UBP1: variants seen among roughly 807,000 people sequenced by gnomAD.
UBP1 encodes upstream-binding protein 1.
A neutral mutation model predicts 76.1 loss-of-function variants in UBP1; 22 were observed. That is an observed-to-expected ratio of 0.29 (90% CI 0.21 to 0.41). UBP1 has a LOEUF of 0.41. Ranked by LOEUF, UBP1 falls within the 10% of genes least tolerant of loss-of-function variation. The pLI is 1.00. For missense variants in UBP1, 436 were observed against 668.1 expected, an observed-to-expected ratio of 0.65 and a Z score of 3.83; for synonymous variants, 224 against 237.1, an observed-to-expected ratio of 0.94 and a Z score of 0.51.
At chr3:33,412,491 G>A (rs1423283522) in intron 4 of UBP1, among the ~76,000 whole-genome samples, 1 of 149,408 alleles carries the variant, frequency 6.7e-6, no homozygotes, top group African/African-American at 2.5e-5. Context: ...GCTAAGGCAG[G>A]AAAATCACTT....
At chr3:33,397,011 C>T in intron 12 of UBP1, 34 bp downstream of exon 12, 1 of 1,570,712 alleles carries the variant, frequency 6.4e-7, no homozygotes, top group Non-Finnish European at 8.7e-7. Context: ...AAGGTACATT[C>T]TTATTTCAAG....
At chr3:33,426,136 GAAAT>G (rs1260233925) in intron 1 of UBP1, among the ~76,000 whole-genome samples, 2 of 149,966 alleles carry the variant, frequency 1.3e-5, no homozygotes, top group Non-Finnish European at 3.0e-5. Flanking sequence ...TGAAAGGCAA[GAAAT>G]AATACTGCTG....
intron 1 of UBP1, among the ~76,000 whole-genome samples, chr3:33,436,840 C>T (rs944182392): frequency 2.0e-5 from 3 of 152,180 alleles, no homozygotes; most frequent in African/African-American, 7.2e-5. Flanking sequence ...AAAAATCAGC[C>T]TTCATCTGTT....
At chr3:33,397,888 A>C (rs951353282) in intron 11 of UBP1, 3 of 152,156 alleles carry the variant, frequency 2.0e-5, no homozygotes, top group Admixed American at 6.6e-5. Flanking sequence ...AGAAAAAAAA[A>C]CTTACATATA....
intron 1 of UBP1, among the ~76,000 whole-genome samples, chr3:33,436,988 T>A (rs1175062309): frequency 6.6e-6 from 1 of 152,134 alleles, no homozygotes; most frequent in African/African-American, 2.4e-5. Flanking sequence ...CCAAGATTTT[T>A]AAAAACATTT....
chr3:33,404,784 T>C (rs2044372647), intron 8 of UBP1, among the ~76,000 whole-genome samples: 1 of 152,206 alleles, frequency 6.6e-6, no homozygotes, highest in South Asian at 2.1e-4. Context: ...AATAATCTAG[T>C]AGATCACATA....
At chr3:33,426,175 C>T (rs1368170044) in intron 1 of UBP1, among the ~76,000 whole-genome samples, 1 of 151,426 alleles carries the variant, frequency 6.6e-6, no homozygotes, top group Non-Finnish European at 1.5e-5. Context: ...CACTTGACAC[C>T]ATAGAATTAC....
rs1364012406 is a variant in UBP1 at position 33,389,270 on chromosome 3, A to G, written c.*1061T>C. ...ATTGTACTAAAGCTCAATATTTGAGAGGCTTAAGGGATTTGTATGGTACAT... is the reference window on the plus strand; with the variant it reads ...ATTGTACTAAAGCTCAATATTTGAGGGGCTTAAGGGATTTGTATGGTACAT... On this transcript the variant is annotated 3_prime_UTR_variant, in exon 16 of 16. Transcript: ENST00000283629. 2.0e-5 allele frequency: 3 copies of G among 152,638 alleles called. No homozygotes were observed. The highest frequency in any genetic ancestry group is 7.2e-5 in the African/African-American group (3 of 41,448). 9.5% of individuals were successfully genotyped at this position (152,638 alleles called of 1,614,324 possible). A position where few individuals can be genotyped will look rare whatever the true frequency, so the allele number is the denominator to read the frequency against.
At chr3:33,402,995 A>G in intron 8 of UBP1, 91 bp from the exon 9 acceptor site, 1 of 1,126,970 alleles carries the variant, frequency 8.9e-7, no homozygotes, top group South Asian at 1.4e-5. Flanking sequence ...CAAATGCAAG[A>G]TTATAAAATG....
chr3:33,408,555 C>A, intron 8 of UBP1, 135 bp downstream of exon 8: 1 of 630,272 alleles, frequency 1.6e-6, no homozygotes, highest in South Asian at 2.5e-5. Context: ...AGCAGGAAGT[C>A]TAAACAAAAG....
chr3:33,392,050 A>C (rs1291124174), intron 15 of UBP1: 1 of 152,934 alleles, frequency 6.5e-6, no homozygotes, highest in African/African-American at 2.4e-5. Context: ...TCCAATGGCC[A>C]GCTCCCGCTT....
chr3:33,440,800 G>C (rs1456767008), upstream of UBP1: 1 of 152,248 alleles, frequency 6.6e-6, no homozygotes, highest in South Asian at 2.1e-4. Context: ...AGAGTTCATT[G>C]GACTGCATGG....
intron 1 of UBP1, among the ~76,000 whole-genome samples, chr3:33,436,442 AT>A (rs1256621968): frequency 1.3e-5 from 2 of 152,212 alleles, no homozygotes; most frequent in South Asian, 4.1e-4. Context: ...TGTACCTCCC[AT>A]TTCAAAATAC....
At chr3:33,401,117 A>G in intron 9 of UBP1, 101 bp from the exon 10 acceptor site, 2 of 1,118,916 alleles carry the variant, frequency 1.8e-6, no homozygotes, top group Non-Finnish European at 2.5e-6. Flanking sequence ...GCAAATTTCA[A>G]GTAAGGCAAC....
At chr3:33,427,965 G>A (rs886705742) in intron 1 of UBP1, among the ~76,000 whole-genome samples, 1 of 152,132 alleles carries the variant, frequency 6.6e-6, no homozygotes, top group African/African-American at 2.4e-5. Context: ...GCTGAGGTGG[G>A]TGATCACCTG....
intron 11 of UBP1, 145 bp from the exon 12 acceptor site, chr3:33,397,280 CA>C (rs540503121): frequency 3.0e-4 from 162 of 542,734 alleles, no homozygotes; most frequent in African/African-American, 2.1e-3. Flanking sequence ...TATAAGAAGA[CA>C]AACAGACACC....
At chr3:33,390,557 CT>C in intron 15 of UBP1, 189 bp from the exon 16 acceptor site, 1 of 627,422 alleles carries the variant, frequency 1.6e-6, no homozygotes, top group Non-Finnish European at 2.8e-6. Context: ...TACACATTCC[CT>C]TTTTAGACAT....
At position 33,392,773 on chromosome 3, in the gene UBP1, G is replaced by A. The variant is rs192957291; in HGVS notation, c.1534-159C>T. 22 of 644,192 alleles carry A rather than the reference G, an allele frequency of 3.4e-5. No individual in the cohort carries two copies. In the Admixed American group the frequency reaches 6.5e-4, roughly 19 times the overall value. 39.9% of individuals were successfully genotyped at this position (644,192 alleles called of 1,614,324 possible). On this transcript the variant is annotated intron_variant, in intron 14 of 15. Transcript: ENST00000283629. ...TGTGAGGCAGCAAAGATGCACACGT[G>A]CTGCACTGCCTTGTGTTCACTATGC...
At chr3:33,391,795 G>C (rs2043774770) in intron 15 of UBP1, 1 of 152,226 alleles carries the variant, frequency 6.6e-6, no homozygotes, top group South Asian at 2.1e-4. Context: ...GAAAGTGAAA[G>C]AAAAATCTAG....
Sources: allele counts gnomAD v4.1 joint callset (sites outside exome capture counted in the v4.1 genomes callset), GRCh38; gene constraint gnomAD v4.1.1; transcripts MANE v1.5; gene names NCBI Gene and HGNC (gene_info 2026-07-23, HGNC 2026-07-21).